Variants in IGF2BP1 observed in about 807,000 individuals in gnomAD.
The protein encoded by IGF2BP1 is insulin-like growth factor 2 mRNA-binding protein 1.
Under a neutral mutation model 74.9 loss-of-function variants are expected in IGF2BP1, and 11 were observed. The observed-to-expected ratio is 0.15, with a 90% CI of 0.09 to 0.24. The LOEUF (loss-of-function observed/expected upper bound fraction) is 0.24. Among genes scored for constraint, IGF2BP1 ranks in the 10% least tolerant of loss-of-function variants. The pLI is 1.00. For synonymous variants in IGF2BP1, 287 were observed against 281.8 expected, an observed-to-expected ratio of 1.02 and a Z score of -0.18; for missense variants, 440 against 757.4, an observed-to-expected ratio of 0.58 and a Z score of 4.92.
rs768897633 is a variant in IGF2BP1 at position 49,046,040 on chromosome 17, G to A, written c.1527+19G>A. ...AAAAACGGTGAGCTGTGAGGGCCAGGTTGAAAGCCCTGGGCCTTGGTCTCC... is the reference window on the plus strand; with the variant it reads ...AAAAACGGTGAGCTGTGAGGGCCAGATTGAAAGCCCTGGGCCTTGGTCTCC... On this transcript the variant is annotated intron_variant, in intron 13 of 14. Coordinates refer to ENST00000290341, the MANE Select transcript of IGF2BP1 (RefSeq NM_006546.4). The A allele has an allele frequency of 1.9e-6, 3 of 1,612,940 alleles. No homozygotes were observed. Among genetic ancestry groups the A allele is most frequent in the Non-Finnish European group, 2.5e-6 (3 of 1,179,588 alleles).
At chr17:49,027,794 G>T (rs2041875114) in intron 4 of IGF2BP1, among the ~76,000 whole-genome samples, 1 of 141,422 alleles carries the variant, frequency 7.1e-6, no homozygotes, top group Non-Finnish European at 1.5e-5. Context: ...GGAGCTTGCA[G>T]TGAGCAGAGA....
intron 1 of IGF2BP1, among the ~76,000 whole-genome samples, chr17:48,998,306 C>T (rs191792267): frequency 3.3e-5 from 5 of 152,206 alleles, no homozygotes; most frequent in African/African-American, 9.6e-5. Context: ...GACGCCCCCC[C>T]AGCTGGAAAA....
chr17:49,038,042 CA>C (rs2042008746), intron 5 of IGF2BP1, 125 bp from the exon 6 acceptor site: 2 of 767,080 alleles, frequency 2.6e-6, no homozygotes, highest in Non-Finnish European at 3.8e-6. Flanking sequence ...AGGTAGTGGG[CA>C]GGTGACTATC....
chr17:49,020,705 C>T (rs925186192), intron 2 of IGF2BP1, among the ~76,000 whole-genome samples: 4 of 152,182 alleles, frequency 2.6e-5, no homozygotes, highest in Non-Finnish European at 4.4e-5. Flanking sequence ...AATTGCACTC[C>T]GATAAATCAA....
At chr17:49,027,713 G>T (rs1014845909) in intron 4 of IGF2BP1, among the ~76,000 whole-genome samples, 3 of 151,816 alleles carry the variant, frequency 2.0e-5, no homozygotes, top group Non-Finnish European at 4.4e-5. Flanking sequence ...TTAGCCGGGC[G>T]TGGTGGCGGG....
chr17:49,041,272 G>A (rs1339997708), intron 7 of IGF2BP1, 106 bp from the exon 8 acceptor site: 4 of 1,254,866 alleles, frequency 3.2e-6, no homozygotes, highest in Middle Eastern at 2.7e-4. Flanking sequence ...GTTTTGAGAT[G>A]TTTTACTTGG....
At chr17:49,046,170 G>C (rs1327836581) in intron 13 of IGF2BP1, 90 bp from the exon 14 acceptor site, 14 of 1,442,286 alleles carry the variant, frequency 9.7e-6, no homozygotes, top group Non-Finnish European at 1.9e-6. Flanking sequence ...GACTCTTCCA[G>C]GTTCTCCCCA....
chr17:49,033,759 T>TC (rs1331765439), intron 5 of IGF2BP1, among the ~76,000 whole-genome samples: 1 of 152,194 alleles, frequency 6.6e-6, no homozygotes, highest in African/African-American at 2.4e-5. Flanking sequence ...GACTCTAGTC[T>TC]CCAAGTGGTA....
chr17:49,048,157 A>G (rs1567829473), intron 14 of IGF2BP1, among the ~76,000 whole-genome samples: 1 of 152,228 alleles, frequency 6.6e-6, no homozygotes, highest in African/African-American at 2.4e-5. Flanking sequence ...TTTAAGAAGG[A>G]AATAATAAAA....
chr17:49,050,136 T>C lies in IGF2BP1; in HGVS notation c.*692T>C, dbSNP rs560999402. ...TAATCCACGTTTAAAAGGAGCGCAC[T>C]TGTGGCTGATCTATGCCAGATCACC... On this transcript the variant is annotated 3_prime_UTR_variant, in exon 15 of 15. Transcript: ENST00000290341. 2 of 152,738 alleles carry C rather than the reference T, an allele frequency of 1.3e-5. No individual in the cohort carries two copies. The highest frequency in any genetic ancestry group is 4.1e-4 in the South Asian group (2 of 4,822). The allele number at this position is 152,738 out of a possible 1,614,324, so 9.5% of individuals were successfully genotyped here.
Position 48,997,745 on chromosome 17 carries a change from C to T in IGF2BP1, c.-1C>T, listed in dbSNP as rs371371570. ...CCGCGTCCTGCCCCGAGACCGCCAC[C>T]ATGAACAAGCTTTACATCGGCAACC... On this transcript the variant is annotated 5_prime_UTR_variant, in exon 1 of 15. Coordinates refer to ENST00000290341, the MANE Select transcript of IGF2BP1 (RefSeq NM_006546.4). The surrounding 1 kb of genome is among the most constrained non-coding windows in gnomAD (Gnocchi z 4.8). 1.9e-6 allele frequency: 3 copies of T among 1,613,238 alleles called. No homozygotes were observed. The Admixed American group carries it at 5.0e-5, about 27-fold the overall frequency.
Position 49,054,164 on chromosome 17 carries a change from A to G in IGF2BP1, c.*4720A>G, listed in dbSNP as rs2144184312. On this transcript the variant is annotated 3_prime_UTR_variant, in exon 15 of 15. Transcript: ENST00000290341. ...ATGTCTGAAGGGGGATTTAGGGGCG[A>G]GAGCCCCAGCCCTGACCCTCGGTCC... is the stretch of plus-strand genomic sequence containing the variant. 6.5e-6 allele frequency: 1 copy of G among 152,724 alleles called. No individual in the cohort carries two copies. The highest frequency in any genetic ancestry group is 3.4e-3 in the Middle Eastern group (1 of 294). The allele number at this position is 152,724 out of a possible 1,614,324, so 9.5% of individuals were successfully genotyped here.
At chr17:49,020,338 G>A (rs936598334) in intron 2 of IGF2BP1, among the ~76,000 whole-genome samples, 12 of 152,038 alleles carry the variant, frequency 7.9e-5, no homozygotes, top group African/African-American at 2.9e-4. Context: ...CACCACACCT[G>A]GCCCTAACTT....
intron 14 of IGF2BP1, among the ~76,000 whole-genome samples, chr17:49,046,911 A>G (rs1205858732): frequency 6.6e-6 from 1 of 152,130 alleles, no homozygotes; most frequent in Non-Finnish European, 1.5e-5. Flanking sequence ...CAGGCTCCAG[A>G]GCATGGAAGG....
chr17:49,014,363 G>C (rs1309898159), intron 2 of IGF2BP1, among the ~76,000 whole-genome samples: 1 of 149,450 alleles, frequency 6.7e-6, no homozygotes, highest in African/African-American at 2.5e-5. Context: ...GCTCTGCTGC[G>C]CTTTCCCCTG....
intron 14 of IGF2BP1, 57 bp from the exon 15 acceptor site, chr17:49,049,295 T>TG: frequency 6.8e-7 from 1 of 1,479,512 alleles, no homozygotes; most frequent in Non-Finnish European, 9.4e-7. Flanking sequence ...CTCTCTTCCG[T>TG]GGAAGGCTGT....
chr17:49,022,055 G>A lies in IGF2BP1; in HGVS notation c.237-3563G>A, dbSNP rs139696076. ...TCCCTGGGACTGGGGACTTGGACAT[G>A]GTTTGAGTGCTTACTACATGGCAGG... On this transcript the variant is annotated intron_variant, in intron 2 of 14. Transcript: ENST00000290341. 2.4e-4 allele frequency among the ~76,000 whole-genome samples: 37 copies of A among 152,352 alleles called. 1 individual carries two copies. In the East Asian group the frequency reaches 5.4e-3, roughly 22 times the overall value.
chr17:49,055,634 C>T lies in IGF2BP1; in HGVS notation c.*6190C>T, dbSNP rs1293813443. ...ATTATGTGTTACCATAATGAATAAACGTCCTCTATCACCATTTGGAGTCTC... is the reference window on the plus strand; with the variant it reads ...ATTATGTGTTACCATAATGAATAAATGTCCTCTATCACCATTTGGAGTCTC... On this transcript the variant is annotated 3_prime_UTR_variant, in exon 15 of 15. Transcript: ENST00000290341. 1.3e-5 allele frequency: 5 copies of T among 398,454 alleles called. No homozygotes were observed. Among genetic ancestry groups the T allele is most frequent in the African/African-American group, 2.1e-5 (1 of 48,626 alleles). The allele number at this position is 398,454 out of a possible 1,614,324, so 24.7% of individuals were successfully genotyped here.
At chr17:49,011,960 T>A (rs2041625028) in intron 2 of IGF2BP1, among the ~76,000 whole-genome samples, 1 of 148,834 alleles carries the variant, frequency 6.7e-6, no homozygotes, top group African/African-American at 2.5e-5. Flanking sequence ...CAGGCTGTAG[T>A]GCAGTGGTGC....
Sources: allele counts gnomAD v4.1 joint callset (sites outside exome capture counted in the v4.1 genomes callset), GRCh38; gene constraint gnomAD v4.1.1; non-coding constraint Gnocchi (gnomAD v3.1); transcripts MANE v1.5; gene names NCBI Gene and HGNC (gene_info 2026-07-23, HGNC 2026-07-21).